The following PTPRD variants were observed in gnomAD, a reference collection of about 807,000 sequenced individuals.
PTPRD encodes the protein receptor-type tyrosine-protein phosphatase delta.
In PTPRD, 34 loss-of-function variants were observed where a neutral mutation model predicts 214.5. The ratio of observed to expected loss-of-function variants is 0.16; its 90% confidence interval spans 0.12 to 0.21. The LOEUF is 0.21. Ranked by LOEUF, PTPRD falls within the 10% of genes least tolerant of loss-of-function variation. The probability of loss-of-function intolerance (pLI) is 1.00; values close to 1 mark genes in which losing one functional copy is unlikely to be tolerated. For missense variants in PTPRD, 2,545 were observed against 2,398.7 expected (o/e 1.06, Z -1.27); for synonymous variants, 1,128 against 845.7 (o/e 1.33, Z -5.79).
intron 11 of PTPRD, among the ~76,000 whole-genome samples, chr9:8,808,241 G>A (rs2096726773): frequency 6.6e-6 from 1 of 152,158 alleles, no homozygotes; most frequent in Non-Finnish European, 1.5e-5. Context: ...TTTAGTTAAA[G>A]GGGAATGGTG....
At chr9:9,909,125 G>A (rs1005949960) in intron 5 of PTPRD, among the ~76,000 whole-genome samples, 1 of 151,806 alleles carries the variant, frequency 6.6e-6, no homozygotes. Context: ...GGAGGGAGTA[G>A]ATGTAATGAT....
At chr9:8,517,011 C>T (rs2097792837) in intron 21 of PTPRD, among the ~76,000 whole-genome samples, 1 of 151,970 alleles carries the variant, frequency 6.6e-6, no homozygotes, top group Non-Finnish European at 1.5e-5. Context: ...GAGGTTTTGC[C>T]ATTGGCCAGG....
At chr9:10,523,048 T>A (rs2052895276) in intron 2 of PTPRD, among the ~76,000 whole-genome samples, 1 of 152,066 alleles carries the variant, frequency 6.6e-6, no homozygotes. Context: ...AAACACCTGT[T>A]TCACGTTTGT....
chr9:8,984,370 A>G (rs542953608), intron 11 of PTPRD, among the ~76,000 whole-genome samples: 4 of 152,216 alleles, frequency 2.6e-5, no homozygotes, highest in Middle Eastern at 3.4e-3. Context: ...AAGTACGATG[A>G]ATCTTTAATA....
intron 14 of PTPRD, among the ~76,000 whole-genome samples, chr9:8,579,745 G>C (rs990846230): frequency 3.9e-5 from 6 of 152,206 alleles, no homozygotes; most frequent in African/African-American, 1.2e-4. Context: ...AGATTTATCA[G>C]GTGTTGTAAA....
chr9:10,193,566 A>T (rs1183852874), intron 3 of PTPRD, among the ~76,000 whole-genome samples: 1 of 152,176 alleles, frequency 6.6e-6, no homozygotes, highest in Non-Finnish European at 1.5e-5. Context: ...GAACGGATAC[A>T]GGAATGAGGG....
At chr9:8,713,333 G>C (rs2098385239) in intron 12 of PTPRD, 1 of 883,034 alleles carries the variant, frequency 1.1e-6, no homozygotes, top group East Asian at 2.5e-5. Context: ...GGCACACTAA[G>C]AGAGTACAAA....
intron 3 of PTPRD, among the ~76,000 whole-genome samples, chr9:10,044,426 T>C (rs1285227425): frequency 6.6e-6 from 1 of 151,718 alleles, no homozygotes; most frequent in Non-Finnish European, 1.5e-5. Flanking sequence ...GATGTAAAAA[T>C]TGGATCAGAC....
At chr9:8,707,326 G>A (rs2098231150) in intron 12 of PTPRD, among the ~76,000 whole-genome samples, 1 of 152,210 alleles carries the variant, frequency 6.6e-6, no homozygotes, top group African/African-American at 2.4e-5. Flanking sequence ...CAGAAATGCA[G>A]ATCTTAAATT....
At chr9:9,884,987 T>A (rs932602425) in intron 5 of PTPRD, among the ~76,000 whole-genome samples, 3 of 152,024 alleles carry the variant, frequency 2.0e-5, no homozygotes, top group Non-Finnish European at 4.4e-5. Context: ...CAAGGTGGCT[T>A]TCAGAAAAGC....
intron 39 of PTPRD, among the ~76,000 whole-genome samples, chr9:8,368,736 T>A (rs886585720): frequency 6.6e-6 from 1 of 151,336 alleles, no homozygotes; most frequent in Non-Finnish European, 1.5e-5. Context: ...AGGAAGATAT[T>A]TTTCTATCAT....
chr9:9,371,772 A>G (rs1311376963), intron 9 of PTPRD, among the ~76,000 whole-genome samples: 1 of 152,086 alleles, frequency 6.6e-6, no homozygotes, highest in Non-Finnish European at 1.5e-5. Flanking sequence ...TTCCCTCTAC[A>G]CACTGCTTTG....
chr9:10,456,537 G>C (rs538784115), intron 2 of PTPRD, among the ~76,000 whole-genome samples: 1 of 151,832 alleles, frequency 6.6e-6, no homozygotes, highest in Non-Finnish European at 1.5e-5. Flanking sequence ...TTGTTTGCTA[G>C]TTTTCATTAA....
chr9:8,463,525 A>G (rs572304825), intron 32 of PTPRD, among the ~76,000 whole-genome samples: 24 of 152,056 alleles, frequency 1.6e-4, no homozygotes, highest in South Asian at 8.3e-4. Flanking sequence ...AACCTTTAAG[A>G]TAATAATCAC....
intron 11 of PTPRD, among the ~76,000 whole-genome samples, chr9:8,789,509 G>T (rs1419650412): frequency 6.6e-6 from 1 of 152,118 alleles, no homozygotes; most frequent in Non-Finnish European, 1.5e-5. Flanking sequence ...CTGCCTTAAG[G>T]TTCTGTGACC....
chr9:9,894,724 T>C (rs2074458829), intron 5 of PTPRD, among the ~76,000 whole-genome samples: 1 of 152,112 alleles, frequency 6.6e-6, no homozygotes, highest in African/African-American at 2.4e-5. Context: ...TTTTTTATTA[T>C]ACTATATATT....
At chr9:9,040,588 TTC>T (rs2099636644) in intron 10 of PTPRD, among the ~76,000 whole-genome samples, 2 of 152,188 alleles carry the variant, frequency 1.3e-5, no homozygotes, top group African/African-American at 4.8e-5. Flanking sequence ...AATTTTTTTT[TTC>T]ATAACTGGTT....
intron 8 of PTPRD, among the ~76,000 whole-genome samples, chr9:9,506,713 G>A (rs777665415): frequency 2.4e-4 from 37 of 151,294 alleles, no homozygotes; most frequent in Non-Finnish European, 4.3e-4. Flanking sequence ...ATATTTTAGT[G>A]GAAAAGCACA....
chr9:8,764,117 C>A (rs2094564944), intron 11 of PTPRD, among the ~76,000 whole-genome samples: 1 of 152,188 alleles, frequency 6.6e-6, no homozygotes, highest in Admixed American at 6.5e-5. Context: ...CACTCTCACT[C>A]TAATTATTCC....
Sources: allele counts gnomAD v4.1 joint callset (sites outside exome capture counted in the v4.1 genomes callset), GRCh38; gene constraint gnomAD v4.1.1; transcripts MANE v1.5; gene names NCBI Gene and HGNC (gene_info 2026-07-23, HGNC 2026-07-21).